ITSN2: variants seen among roughly 807,000 people sequenced by gnomAD.
ITSN2 encodes the protein intersectin 2, also known as intersectin-2.
Under a neutral mutation model 243.7 loss-of-function variants are expected in ITSN2, and 156 were observed. The ratio of observed to expected loss-of-function variants is 0.64; its 90% CI spans 0.56 to 0.73. The LOEUF (loss-of-function observed/expected upper bound fraction) is 0.73. ITSN2 is among the 30% of genes least tolerant of loss of function. The pLI, the probability that ITSN2 is intolerant of heterozygous loss-of-function variation, is 0.00. For synonymous variants in ITSN2, 703 were observed against 699.9 expected, an observed-to-expected ratio of 1.00 and a Z score of -0.07; for missense variants, 1,801 against 1,996.1, an observed-to-expected ratio of 0.90 and a Z score of 1.86.
chr2:24,314,006 G>T (rs1335203037), intron 3 of ITSN2, among the ~76,000 whole-genome samples: 1 of 152,116 alleles, frequency 6.6e-6, no homozygotes, highest in Non-Finnish European at 1.5e-5. Flanking sequence ...CAATCTTAAC[G>T]AATCCGGTAA....
intron 8 of ITSN2, among the ~76,000 whole-genome samples, chr2:24,307,940 C>A (rs751100333): frequency 3.3e-5 from 5 of 152,328 alleles, no homozygotes; most frequent in Admixed American, 2.0e-4. Context: ...ATATCTCATT[C>A]TATGTTCCTT....
At chr2:24,261,764 T>A (rs1286464583) in intron 20 of ITSN2, 22 bp from the exon 21 acceptor site, 2 of 1,553,304 alleles carry the variant, frequency 1.3e-6, no homozygotes, top group East Asian at 2.3e-5. Flanking sequence ...AAAAGAAGGA[T>A]TAACAGTGCT....
At chr2:24,231,601 T>C (rs559338545) in intron 29 of ITSN2, among the ~76,000 whole-genome samples, 1 of 152,274 alleles carries the variant, frequency 6.6e-6, no homozygotes, top group South Asian at 2.1e-4. Flanking sequence ...TTATGAATCA[T>C]AGGTATGTCG....
chr2:24,299,107 G>A (rs1681392650), intron 12 of ITSN2, among the ~76,000 whole-genome samples: 1 of 144,118 alleles, frequency 6.9e-6, no homozygotes, highest in African/African-American at 2.6e-5. Context: ...TTGGCTCACT[G>A]CAACCTCCAC....
At chr2:24,235,880 G>C (rs1192210400) in intron 29 of ITSN2, among the ~76,000 whole-genome samples, 1 of 152,150 alleles carries the variant, frequency 6.6e-6, no homozygotes, top group Admixed American at 6.6e-5. Context: ...TGAGGATGTG[G>C]AGTAACAGAA....
At chr2:24,290,766 G>T (rs978859831) in intron 15 of ITSN2, among the ~76,000 whole-genome samples, 2 of 151,894 alleles carry the variant, frequency 1.3e-5, no homozygotes, top group East Asian at 1.9e-4. Context: ...CTTATCCTAC[G>T]TTGCCATACA....
At chr2:24,267,351 T>C (rs974838309) in intron 20 of ITSN2, among the ~76,000 whole-genome samples, 1 of 150,728 alleles carries the variant, frequency 6.6e-6, no homozygotes, top group African/African-American at 2.4e-5. Context: ...AACCTGCACG[T>C]TCTGCACATG....
intron 2 of ITSN2, among the ~76,000 whole-genome samples, chr2:24,326,498 A>C (rs1340426518): frequency 1.3e-5 from 2 of 152,228 alleles, no homozygotes; most frequent in African/African-American, 4.8e-5. Context: ...GGGGCATAAA[A>C]ATCCTCAAAC....
At chr2:24,289,192 A>G (rs1180422318) in intron 15 of ITSN2, among the ~76,000 whole-genome samples, 1 of 152,170 alleles carries the variant, frequency 6.6e-6, no homozygotes, top group Non-Finnish European at 1.5e-5. Flanking sequence ...GAATCTGTAT[A>G]TTGCTTTGGG....
chr2:24,252,204 AG>A, intron 25 of ITSN2, 140 bp downstream of exon 25: 1 of 645,892 alleles, frequency 1.5e-6, no homozygotes, highest in East Asian at 2.9e-5. Flanking sequence ...TTGTAACCAA[AG>A]CAACCTGATC....
chr2:24,287,642 T>G (rs1679688063), intron 15 of ITSN2, among the ~76,000 whole-genome samples: 1 of 152,090 alleles, frequency 6.6e-6, no homozygotes, highest in East Asian at 1.9e-4. Flanking sequence ...ACTATACCAA[T>G]TTACATTCCT....
chr2:24,322,933 T>C (rs1684752761), intron 2 of ITSN2, among the ~76,000 whole-genome samples: 1 of 151,726 alleles, frequency 6.6e-6, no homozygotes, highest in Non-Finnish European at 1.5e-5. Flanking sequence ...ATCAAAGATA[T>C]ACAGATGGCA....
At chr2:24,232,386 A>C (rs1671713344) in intron 29 of ITSN2, among the ~76,000 whole-genome samples, 1 of 152,218 alleles carries the variant, frequency 6.6e-6, no homozygotes. Flanking sequence ...CTACTGTAAA[A>C]GGTCATAAGC....
chr2:24,267,718 C>T (rs919024457), intron 20 of ITSN2, among the ~76,000 whole-genome samples: 1 of 152,106 alleles, frequency 6.6e-6, no homozygotes, highest in Non-Finnish European at 1.5e-5. Flanking sequence ...CCAAGCCCCG[C>T]TAATTTTTTT....
chr2:24,266,819 C>T (rs1676709426), intron 20 of ITSN2, among the ~76,000 whole-genome samples: 1 of 150,910 alleles, frequency 6.6e-6, no homozygotes. Flanking sequence ...TGCCTGTAGT[C>T]TCCACTACTC....
chr2:24,209,798 C>T lies in ITSN2; in HGVS notation c.4473+20G>A, dbSNP rs2303295. The T allele has an allele frequency of 6.2e-7, 1 of 1,602,890 alleles. No individual in the cohort carries two copies. The highest frequency in any genetic ancestry group is 8.5e-7 in the Non-Finnish European group (1 of 1,169,818). Reference sequence around the variant, plus strand: ...ACCTCATTAGGCCCCTGATGCTACCCCCAGACGCGTGATACTCACCGTTTT... The same window carrying T: ...ACCTCATTAGGCCCCTGATGCTACCTCCAGACGCGTGATACTCACCGTTTT... On this transcript the variant is annotated intron_variant, in intron 35 of 39. Coordinates refer to ENST00000355123, the MANE Select transcript of ITSN2 (RefSeq NM_006277.3).
chr2:24,213,343 G>A (rs1254475211), intron 32 of ITSN2, among the ~76,000 whole-genome samples: 3 of 152,162 alleles, frequency 2.0e-5, no homozygotes, highest in Non-Finnish European at 4.4e-5. Flanking sequence ...CAGGCCCAGG[G>A]CCCACATCCT....
chr2:24,243,245 A>C (rs1672948608), intron 29 of ITSN2, among the ~76,000 whole-genome samples: 1 of 152,174 alleles, frequency 6.6e-6, no homozygotes, highest in Non-Finnish European at 1.5e-5. Context: ...TAACCTCTAA[A>C]GCTACTTCAG....
At chr2:24,310,423 C>T in intron 6 of ITSN2, 43 bp from the exon 7 acceptor site, 1 of 1,603,206 alleles carries the variant, frequency 6.2e-7, no homozygotes, top group African/African-American at 1.3e-5. Context: ...AAATTTGTAT[C>T]TGTTCAAACA....
Sources: allele counts gnomAD v4.1 joint callset (sites outside exome capture counted in the v4.1 genomes callset), GRCh38; gene constraint gnomAD v4.1.1; transcripts MANE v1.5; gene names NCBI Gene and HGNC (gene_info 2026-07-23, HGNC 2026-07-21).